Variants in C5orf24 observed in about 807,000 individuals in gnomAD.
C5orf24 encodes the protein chromosome 5 open reading frame 24.
In C5orf24, 4 loss-of-function variants were observed where a neutral mutation model predicts 9.8. The ratio of observed to expected loss-of-function variants is 0.41; its 90% CI spans 0.20 to 0.93. The LOEUF is 0.93. Among genes scored for constraint, C5orf24 ranks in the 40% least tolerant of loss-of-function variants. The pLI, the probability that C5orf24 is intolerant of heterozygous loss-of-function variation, is 0.33. For synonymous variants in C5orf24, 73 were observed against 81.3 expected (o/e 0.90, Z 0.55); for missense variants, 170 against 236.9 (o/e 0.72, Z 1.85).
At position 134,856,794 on chromosome 5, in the gene C5orf24, C is replaced by T. The variant is rs190830022; in HGVS notation, c.*1327C>T. On this transcript the variant is annotated 3_prime_UTR_variant, in exon 2 of 2. Coordinates refer to ENST00000394976, the MANE Select transcript of C5orf24 (RefSeq NM_001135586.1). ...TCAGGTTGATATCTACCAAAGGACA[C>T]AAATTGAATGGTAGACTGTAAAACT... 5.0e-4 allele frequency: 497 copies of T among 1,000,090 alleles called. No individual in the cohort carries two copies. Among genetic ancestry groups the T allele is most frequent in the Non-Finnish European group, 4.9e-4 (406 of 829,856 alleles). 62.0% of individuals were successfully genotyped at this position (1,000,090 alleles called of 1,614,324 possible).
the C5orf24 span, among the ~76,000 whole-genome samples, chr5:134,836,524 G>T: frequency 6.6e-6 from 1 of 151,464 alleles, no homozygotes; most frequent in African/African-American, 2.4e-5. Context: ...TTTACTTTGT[G>T]TAAGGTTATT....
chr5:134,857,438 G>A lies in C5orf24; in HGVS notation c.*1971G>A. On this transcript the variant is annotated 3_prime_UTR_variant, in exon 2 of 2. Coordinates refer to ENST00000394976, the MANE Select transcript of C5orf24 (RefSeq NM_001135586.1). ...CTTTATGCTGCTCTTTACAGTAAGA[G>A]GTGTTGCATTGTATGTGGGGACTAT... The A allele has an allele frequency of 6.5e-7, 1 of 1,538,740 alleles. No individual in the cohort carries two copies.
At position 134,859,114 on chromosome 5, in the gene C5orf24, A is replaced by C. The variant is rs1433695766; in HGVS notation, c.*3647A>C. On this transcript the variant is annotated 3_prime_UTR_variant, in exon 2 of 2. Transcript: ENST00000394976. ...GTGAGCTAAAGAAAAAAAAAAGTAA[A>C]TTTCTCCTTTATATTCTAAGAAGCT... 6.0e-6 allele frequency: 1 copy of C among 166,882 alleles called. No homozygotes were observed. Among genetic ancestry groups the C allele is most frequent in the Non-Finnish European group, 1.5e-5 (1 of 68,034 alleles). 10.3% of individuals were successfully genotyped at this position (166,882 alleles called of 1,614,324 possible). A position where few individuals can be genotyped will look rare whatever the true frequency, so the allele number is the denominator to read the frequency against.
chr5:134,842,419 A>G (rs918378502), upstream of C5orf24, among the ~76,000 whole-genome samples: 5 of 151,334 alleles, frequency 3.3e-5, no homozygotes, highest in African/African-American at 1.2e-4. Context: ...GAACCCGGGA[A>G]GTGGAGGTTG....
chr5:134,845,059 G>C (rs1755958266), upstream of C5orf24, among the ~76,000 whole-genome samples: 1 of 152,190 alleles, frequency 6.6e-6, no homozygotes, highest in South Asian at 2.1e-4. Flanking sequence ...TATTGGTGTA[G>C]GTTTGATCAA....
intron 1 of C5orf24, among the ~76,000 whole-genome samples, chr5:134,850,086 A>G (rs1446403140): frequency 6.6e-6 from 1 of 152,210 alleles, no homozygotes; most frequent in Non-Finnish European, 1.5e-5. Context: ...AATTTACATA[A>G]TACAAACTAA....
At chr5:134,849,296 G>A (rs1276917040) in intron 1 of C5orf24, among the ~76,000 whole-genome samples, 1 of 152,154 alleles carries the variant, frequency 6.6e-6, no homozygotes, top group Non-Finnish European at 1.5e-5. Flanking sequence ...TAGCTCGGAA[G>A]TGGGAGGAGG....
intron 1 of C5orf24, among the ~76,000 whole-genome samples, chr5:134,851,138 A>G (rs1427053980): frequency 6.6e-6 from 1 of 151,360 alleles, no homozygotes; most frequent in Non-Finnish European, 1.5e-5. Flanking sequence ...ATTTTGGCCA[A>G]GCTGGTCTTG....
At chr5:134,850,147 GTTTT>G (rs780160599) in intron 1 of C5orf24, among the ~76,000 whole-genome samples, 2 of 151,672 alleles carry the variant, frequency 1.3e-5, no homozygotes, top group Non-Finnish European at 2.9e-5. Context: ...GAGATATGTG[GTTTT>G]TTGTTTGTTT....
At chr5:134,849,290 T>G (rs1580840079) in intron 1 of C5orf24, among the ~76,000 whole-genome samples, 2 of 151,932 alleles carry the variant, frequency 1.3e-5, no homozygotes, top group African/African-American at 4.8e-5. Flanking sequence ...AATAGTTAGC[T>G]CGGAAGTGGG....
At chr5:134,834,243 T>A in the C5orf24 span, among the ~76,000 whole-genome samples, 31 of 152,306 alleles carry the variant, frequency 2.0e-4, no homozygotes, top group East Asian at 5.6e-3. Flanking sequence ...CAGAAAAAGC[T>A]TTTCATTTGA....
rs967748951 is a variant in C5orf24, at chr5:134,855,830, A to G, written c.*363A>G. ...ACCTATTAGTTTGTGAAGTAAGCCT[A>G]CAGTATAATAAAGACACTAACGTAT... On this transcript the variant is annotated 3_prime_UTR_variant, in exon 2 of 2. Transcript: ENST00000394976. 9.1e-7 allele frequency: 1 copy of G among 1,098,190 alleles called. No individual in the cohort carries two copies. The highest frequency in any genetic ancestry group is 1.7e-5 in the African/African-American group (1 of 58,508). 68.0% of individuals were successfully genotyped at this position (1,098,190 alleles called of 1,614,324 possible). A position where few individuals can be genotyped will look rare whatever the true frequency, so the allele number is the denominator to read the frequency against.
the C5orf24 span, among the ~76,000 whole-genome samples, chr5:134,840,314 A>C: frequency 2.0e-5 from 3 of 151,374 alleles, no homozygotes; most frequent in Non-Finnish European, 1.5e-5. Context: ...TCAAAAAAAA[A>C]AAAAAAAAAA....
chr5:134,844,972 G>A (rs1755953696), upstream of C5orf24, among the ~76,000 whole-genome samples: 1 of 152,152 alleles, frequency 6.6e-6, no homozygotes, highest in South Asian at 2.1e-4. Context: ...TCCTGACCTC[G>A]TGATCTGCCC....
chr5:134,848,133 A>AAACCCG (rs1756047569), intron 1 of C5orf24, among the ~76,000 whole-genome samples: 1 of 150,908 alleles, frequency 6.6e-6, no homozygotes, highest in Non-Finnish European at 1.5e-5. Context: ...TAACATGGTG[A>AAACCCG]AACCCGTCTC....
chr5:134,853,528 C>CTTTTTTTTTTTTTTTT (rs773207000), intron 1 of C5orf24, among the ~76,000 whole-genome samples: 113 of 104,236 alleles, frequency 1.1e-3, no homozygotes, highest in East Asian at 1.3e-3. Context: ...TCTTCTTCTT[C>CTTTTTTTTTTTTTTTT]TTTTTTTTTT....
upstream of C5orf24, among the ~76,000 whole-genome samples, chr5:134,843,267 G>A (rs1248232780): frequency 1.3e-5 from 2 of 151,980 alleles, no homozygotes; most frequent in Non-Finnish European, 2.9e-5. Context: ...ATGACCCACC[G>A]TGCCTGGCCT....
At chr5:134,837,252 C>G in the C5orf24 span, among the ~76,000 whole-genome samples, 1 of 152,164 alleles carries the variant, frequency 6.6e-6, no homozygotes, top group Admixed American at 6.5e-5. Flanking sequence ...GGACTATAGG[C>G]GTGAGCCACT....
intron 1 of C5orf24, chr5:134,846,586 G>A (rs1173845720): frequency 6.6e-6 from 1 of 152,200 alleles, no homozygotes; most frequent in Admixed American, 6.5e-5. Flanking sequence ...TTTTTAGAGG[G>A]TACACAACCC....
Sources: gnomAD v4.1 joint callset for allele counts (sites outside exome capture counted in the v4.1 genomes callset) on GRCh38, gnomAD v4.1.1 for gene constraint, MANE v1.5 for transcripts, NCBI Gene and HGNC (gene_info 2026-07-23, HGNC 2026-07-21) for gene names.